The following FAM174A variants were observed in gnomAD, a reference collection of about 807,000 sequenced individuals.
FAM174A encodes the protein family with sequence similarity 174 member A, also known as membrane protein FAM174A.
In FAM174A, 14 loss-of-function variants were observed where a neutral mutation model predicts 14.3. The ratio of observed to expected loss-of-function variants is 0.98; its 90% CI spans 0.65 to 1.53. FAM174A has a LOEUF of 1.53. Among genes scored for constraint, FAM174A ranks in the 40% most tolerant of loss-of-function variants. The probability of loss-of-function intolerance (pLI) is 0.00; values close to 1 mark genes in which losing one functional copy is unlikely to be tolerated. For missense variants in FAM174A, 241 were observed against 249.6 expected, an observed-to-expected ratio of 0.97 and a Z score of 0.23; for synonymous variants, 108 against 111.4, an observed-to-expected ratio of 0.97 and a Z score of 0.19.
rs1299958718 is a variant in FAM174A, at chr5:100,535,511, G to A, written c.-20G>A. On this transcript the variant is annotated 5_prime_UTR_variant, in exon 1 of 3. It removes the in-frame stop codon of an upstream open reading frame in the 5' UTR. Transcript: ENST00000312637. ...GCGGGCCTGGCGGCTCCCGGGTGGT[G>A]AGAGAGCGGTCCGGGAACGATGAAG... 2 of 1,608,998 alleles carry A rather than the reference G, an allele frequency of 1.2e-6. No individual in the cohort carries two copies. The highest frequency in any genetic ancestry group is 1.7e-4 in the Middle Eastern group (1 of 6,042).
intron 1 of FAM174A, among the ~76,000 whole-genome samples, chr5:100,545,725 C>T (rs1425455274): frequency 6.6e-6 from 1 of 151,990 alleles, no homozygotes; most frequent in South Asian, 2.1e-4. Flanking sequence ...TGCCTTTATT[C>T]CTCTAGTTAA....
chr5:100,560,595 C>A (rs1746503612), intron 1 of FAM174A, among the ~76,000 whole-genome samples: 1 of 151,902 alleles, frequency 6.6e-6, no homozygotes, highest in Admixed American at 6.6e-5. Flanking sequence ...CACTTTACAC[C>A]CAGGTGCTAA....
intron 2 of FAM174A, among the ~76,000 whole-genome samples, chr5:100,583,350 A>G (rs1747058102): frequency 6.6e-6 from 1 of 152,208 alleles, no homozygotes; most frequent in South Asian, 2.1e-4. Flanking sequence ...TTCTATTGGT[A>G]CCAATTCTTC....
At chr5:100,572,841 T>C (rs1487298820) in intron 2 of FAM174A, among the ~76,000 whole-genome samples, 2 of 152,278 alleles carry the variant, frequency 1.3e-5, no homozygotes, top group East Asian at 1.9e-4. Context: ...ACTTCCACAA[T>C]GGTTGAACTA....
intron 2 of FAM174A, chr5:100,581,377 T>G: frequency 6.1e-6 from 6 of 985,344 alleles, no homozygotes; most frequent in Non-Finnish European, 7.2e-6. Context: ...AAAGAGCAAC[T>G]GAGGGATAGC....
Position 100,535,960 on chromosome 5 carries a change from G to T in FAM174A, c.430G>T (p.Val144Phe). 1.3e-6 allele frequency: 2 copies of T among 1,575,664 alleles called. No individual in the cohort carries two copies. Among genetic ancestry groups the T allele is most frequent in the Non-Finnish European group, 8.7e-7 (1 of 1,155,382 alleles). Residue 144 changes from valine (V) to phenylalanine (F), a missense_variant, in exon 1 of 3, where the codon GTC becomes TTC. By Grantham distance (50) the Val-to-Phe change is conservative (BLOSUM62 -1). Transcript: ENST00000312637. ...AVLVYFVVRT[V>F]RMRRRNRKTR... ...GCTGGTGTACTTCGTGGTCAGGACG[G>T]TCAGGTGAGGCAAAGCCTCGGTGGG...
At chr5:100,560,730 T>G (rs116828218) in intron 1 of FAM174A, among the ~76,000 whole-genome samples, 138 of 152,198 alleles carry the variant, frequency 9.1e-4, no homozygotes, top group African/African-American at 3.2e-3. Flanking sequence ...AGCCCAAGTA[T>G]TTCTTATCCC....
chr5:100,583,967 A>G (rs1207405495), intron 2 of FAM174A, among the ~76,000 whole-genome samples: 1 of 152,226 alleles, frequency 6.6e-6, no homozygotes, highest in Non-Finnish European at 1.5e-5. Flanking sequence ...TTTGGAGGCC[A>G]GTAGACCACT....
chr5:100,566,825 C>A lies in FAM174A; in HGVS notation c.569+4637C>A, dbSNP rs185932758. 3.9e-4 allele frequency among the ~76,000 whole-genome samples: 59 copies of A among 151,868 alleles called. 1 individual carries two copies. The highest frequency in any genetic ancestry group is 1.5e-4 in the Non-Finnish European group (10 of 67,862). ...CTATGCTAATCATCAATTCTATAGACCATAAAAAGTCATTTTGAAAATTTT... is the reference window on the plus strand; with the variant it reads ...CTATGCTAATCATCAATTCTATAGAACATAAAAAGTCATTTTGAAAATTTT... On this transcript the variant is annotated intron_variant, in intron 2 of 2. Coordinates refer to ENST00000312637, the MANE Select transcript of FAM174A (RefSeq NM_198507.3).
intron 1 of FAM174A, among the ~76,000 whole-genome samples, chr5:100,544,738 A>G (rs1396787249): frequency 6.6e-6 from 1 of 152,172 alleles, no homozygotes; most frequent in Non-Finnish European, 1.5e-5. Flanking sequence ...TCACCAGTGT[A>G]TATCTAACAT....
intron 2 of FAM174A, among the ~76,000 whole-genome samples, chr5:100,575,698 T>C (rs186688714): frequency 1.3e-5 from 2 of 152,196 alleles, no homozygotes; most frequent in Non-Finnish European, 2.9e-5. Context: ...TCTAATTAAA[T>C]TAAAGAGCTT....
At chr5:100,556,780 G>T (rs1236958195) in intron 1 of FAM174A, among the ~76,000 whole-genome samples, 1 of 152,084 alleles carries the variant, frequency 6.6e-6, no homozygotes, top group East Asian at 1.9e-4. Context: ...TGTGATTTTT[G>T]CACACTGATT....
intron 2 of FAM174A, among the ~76,000 whole-genome samples, chr5:100,576,452 A>T (rs1294318431): frequency 6.6e-6 from 1 of 152,074 alleles, no homozygotes; most frequent in Non-Finnish European, 1.5e-5. Flanking sequence ...TTAGGGCCAC[A>T]CTCTTTTATG....
At chr5:100,582,902 G>A (rs1328474989) in intron 2 of FAM174A, among the ~76,000 whole-genome samples, 1 of 151,982 alleles carries the variant, frequency 6.6e-6, no homozygotes. Flanking sequence ...GGGGGCTAGG[G>A]GCACCAACTA....
At chr5:100,558,735 G>A (rs1746454362) in intron 1 of FAM174A, among the ~76,000 whole-genome samples, 1 of 152,008 alleles carries the variant, frequency 6.6e-6, no homozygotes, top group South Asian at 2.1e-4. Context: ...TTTAAAGTCT[G>A]TTTTATCAGA....
At chr5:100,537,318 G>GAAATAA (rs1745961218) in intron 1 of FAM174A, among the ~76,000 whole-genome samples, 1 of 151,902 alleles carries the variant, frequency 6.6e-6, no homozygotes. Flanking sequence ...GATATTAAAG[G>GAAATAA]GAATTGGAAA....
chr5:100,570,792 G>C lies in FAM174A; in HGVS notation c.569+8604G>C, dbSNP rs953084423. ...ATTGTAGGAAGTAAATATCAGATAAGGCTTGCCCCAATATTAAGTAGGTTA... is the reference window on the plus strand; with the variant it reads ...ATTGTAGGAAGTAAATATCAGATAACGCTTGCCCCAATATTAAGTAGGTTA... On this transcript the variant is annotated intron_variant, in intron 2 of 2. Coordinates refer to ENST00000312637, the MANE Select transcript of FAM174A (RefSeq NM_198507.3). Among the ~76,000 whole-genome samples, 10 of 151,970 alleles carry C rather than the reference G, an allele frequency of 6.6e-5. No homozygotes were observed. In the South Asian group the frequency reaches 2.1e-3, roughly 32 times the overall value.
Position 100,565,763 on chromosome 5 carries a change from G to A in FAM174A, c.569+3575G>A, listed in dbSNP as rs116066753. Among the ~76,000 whole-genome samples, 737 of 151,732 alleles carry A rather than the reference G, an allele frequency of 4.9e-3. 5 individuals carry two copies. Among genetic ancestry groups the A allele is most frequent in the African/African-American group, 0.015 (632 of 41,454 alleles). ...TGTGCATTGACAGATGTATTAGTCC[G>A]TTTTCATACTGCTTGGAAGAAATAT... On this transcript the variant is annotated intron_variant, in intron 2 of 2. Transcript: ENST00000312637.
chr5:100,559,355 C>G (rs753124844), intron 1 of FAM174A, among the ~76,000 whole-genome samples: 16 of 152,168 alleles, frequency 1.1e-4, no homozygotes, highest in Non-Finnish European at 1.8e-4. Flanking sequence ...ACCGTTTTCT[C>G]TGGCTGTGCT....
Sources: allele counts gnomAD v4.1 joint callset (sites outside exome capture counted in the v4.1 genomes callset), GRCh38; gene constraint gnomAD v4.1.1; transcripts MANE v1.5; gene names NCBI Gene and HGNC (gene_info 2026-07-23, HGNC 2026-07-21).